Variants in PSEN1 observed in about 807,000 individuals in gnomAD.
The protein encoded by PSEN1 is presenilin 1.
In PSEN1, 15 loss-of-function variants were observed where a neutral mutation model predicts 53.5. The ratio of observed to expected loss-of-function variants is 0.28; its 90% CI spans 0.19 to 0.43. The LOEUF is 0.43. Ranked by LOEUF, PSEN1 falls within the 20% of genes least tolerant of loss-of-function variation. The pLI is 1.00. For synonymous variants in PSEN1, 208 were observed against 209.8 expected (o/e 0.99, Z 0.08); for missense variants, 387 against 571.2 (o/e 0.68, Z 3.29).
chr14:73,148,641 T>A (rs181785243), intron 3 of PSEN1, among the ~76,000 whole-genome samples: 201 of 152,190 alleles, frequency 1.3e-3, no homozygotes, highest in Admixed American at 0.012. Flanking sequence ...CATCATAAAG[T>A]GAGAGCAGAG....
intron 3 of PSEN1, among the ~76,000 whole-genome samples, chr14:73,166,084 AAGT>A (rs1354530242): frequency 6.6e-6 from 1 of 152,018 alleles, no homozygotes; most frequent in Non-Finnish European, 1.5e-5. Context: ...ATAAAAATAA[AAGT>A]AGTATCCAGC....
At chr14:73,210,985 C>CA (rs1310300662) in intron 9 of PSEN1, among the ~76,000 whole-genome samples, 1 of 152,170 alleles carries the variant, frequency 6.6e-6, no homozygotes, top group African/African-American at 2.4e-5. Flanking sequence ...TAAAGACATT[C>CA]ACTCCCCGCT....
chr14:73,142,125 G>T (rs776233980), intron 1 of PSEN1, among the ~76,000 whole-genome samples: 1 of 152,014 alleles, frequency 6.6e-6, no homozygotes, highest in Non-Finnish European at 1.5e-5. Flanking sequence ...TCAATTATAG[G>T]TTGGAATTTA....
intron 5 of PSEN1, among the ~76,000 whole-genome samples, chr14:73,185,198 C>T (rs1320065413): frequency 1.3e-5 from 2 of 151,204 alleles, no homozygotes; most frequent in African/African-American, 4.9e-5. Context: ...ACTTCCCAGA[C>T]GGGGTGGCGG....
chr14:73,173,546 T>C lies in PSEN1; in HGVS notation c.339-20T>C. On this transcript the variant is annotated intron_variant, in intron 4 of 11. Transcript: ENST00000324501. ...CTCCATTAACACTGACCTAGGGCTT[T>C]TGTGTTTGTTTTATTGTAGAATCTA... The C allele has an allele frequency of 1.2e-6, 2 of 1,613,516 alleles. No homozygotes were observed. The highest frequency in any genetic ancestry group is 1.3e-5 in the African/African-American group (1 of 75,052).
At chr14:73,194,180 G>T (rs1898841265) in intron 7 of PSEN1, among the ~76,000 whole-genome samples, 1 of 152,022 alleles carries the variant, frequency 6.6e-6, no homozygotes, top group African/African-American at 2.4e-5. Context: ...GCCAAAAAGA[G>T]ATCCATTTTC....
chr14:73,199,163 T>G (rs1899075688), intron 8 of PSEN1, among the ~76,000 whole-genome samples: 1 of 152,190 alleles, frequency 6.6e-6, no homozygotes, highest in African/African-American at 2.4e-5. Context: ...GGTCACTAGG[T>G]AGACATTGCT....
At chr14:73,137,932 G>T (rs2140484798) in intron 1 of PSEN1, among the ~76,000 whole-genome samples, 1 of 152,042 alleles carries the variant, frequency 6.6e-6, no homozygotes, top group South Asian at 2.1e-4. Context: ...GCTGGGCGTG[G>T]GGGCGCGCGC....
chr14:73,188,340 G>C (rs768536282), intron 6 of PSEN1, among the ~76,000 whole-genome samples: 49 of 152,160 alleles, frequency 3.2e-4, no homozygotes, highest in Non-Finnish European at 1.9e-4. Context: ...TAAGATTCCT[G>C]TTCTTGATCA....
At chr14:73,201,059 A>C (rs114445862) in intron 8 of PSEN1, among the ~76,000 whole-genome samples, 2 of 150,886 alleles carry the variant, frequency 1.3e-5, no homozygotes, top group Non-Finnish European at 2.9e-5. Flanking sequence ...CACCCTCCCA[A>C]AAAAAGAGAA....
chr14:73,175,602 G>A (rs182236740), intron 5 of PSEN1, among the ~76,000 whole-genome samples: 217 of 152,124 alleles, frequency 1.4e-3, no homozygotes, highest in African/African-American at 5.0e-3. Flanking sequence ...TTACTTTGGT[G>A]TGAACATTTT....
At chr14:73,152,916 C>A (rs988333996) in intron 3 of PSEN1, among the ~76,000 whole-genome samples, 1 of 151,922 alleles carries the variant, frequency 6.6e-6, no homozygotes. Context: ...GGTGGTGCGC[C>A]CTTGTAATCC....
intron 3 of PSEN1, among the ~76,000 whole-genome samples, chr14:73,169,977 G>GT (rs1324271895): frequency 1.3e-5 from 2 of 152,152 alleles, no homozygotes; most frequent in African/African-American, 4.8e-5. Flanking sequence ...TTATTCATGA[G>GT]TTTTCTGGGA....
chr14:73,148,078 A>G lies in PSEN1; in HGVS notation c.59A>G (p.Asn20Ser), dbSNP rs1231923457. The G allele has an allele frequency of 1.2e-6, 2 of 1,613,922 alleles. No individual in the cohort carries two copies. Among genetic ancestry groups the G allele is most frequent in the South Asian group, 1.1e-5 (1 of 91,056 alleles). ...CAGAATGCACAGATGTCTGAGGACA[A>G]CCACCTGAGCAATACTGTACGTAGC... Reference protein sequence around the residue: ...YFQNAQMSEDNHLSNTVRSQN... With the variant: ...YFQNAQMSEDSHLSNTVRSQN... Residue 20 changes from asparagine to serine, a missense_variant, in exon 3 of 12, where the codon AAC (asparagine) becomes AGC (serine). Physicochemically the swap from Asn to Ser is conservative, Grantham distance 46. This residue lies in a region of PSEN1 where 99 missense variants were observed against 101.5 expected (regional missense o/e 0.98). Transcript: ENST00000324501.
intron 6 of PSEN1, among the ~76,000 whole-genome samples, chr14:73,187,951 T>C (rs1465327524): frequency 6.6e-6 from 1 of 152,142 alleles, no homozygotes; most frequent in Non-Finnish European, 1.5e-5. Flanking sequence ...CTTTTTTTTT[T>C]TGAGTCTCAC....
rs2140153790 is a variant in PSEN1, at chr14:73,221,460, T to A, written c.*2171T>A. On this transcript the variant is annotated 3_prime_UTR_variant, in exon 12 of 12. Coordinates refer to ENST00000324501, the MANE Select transcript of PSEN1 (RefSeq NM_000021.4). ...CTCTGAAGAGGGTACGTGGGGTGTGTGTATTTAAATCCATCCTATGTATTA... is the reference window on the plus strand; with the variant it reads ...CTCTGAAGAGGGTACGTGGGGTGTGAGTATTTAAATCCATCCTATGTATTA... 6.6e-6 allele frequency: 1 copy of A among 152,350 alleles called. No homozygotes were observed. The highest frequency in any genetic ancestry group is 1.9e-4 in the East Asian group (1 of 5,188). The allele number at this position is 152,350 out of a possible 1,614,324, so 9.4% of individuals were successfully genotyped here. A position where few individuals can be genotyped will look rare whatever the true frequency, so the allele number is the denominator to read the frequency against.
At chr14:73,137,090 A>G in intron 1 of PSEN1, 1 of 153,038 alleles carries the variant, frequency 6.5e-6, no homozygotes, top group Non-Finnish European at 1.5e-5. Context: ...ATGCATGTCC[A>G]GTGACTCTTG....
chr14:73,170,877 G>C lies in PSEN1; in HGVS notation c.168G>C (p.Gln56His), dbSNP rs755402092. Residue 56 changes from glutamine (Q) to histidine (H), a missense_variant, in exon 4 of 12, where the codon CAG (glutamine) becomes CAC (histidine). Transcript: ENST00000324501. Reference sequence around the variant, plus strand: ...AGCCATTATCTAATGGACGACCCCAGGGTAACTCCCGGCAGGTGGTGGAGC... The same window carrying C: ...AGCCATTATCTAATGGACGACCCCACGGTAACTCCCGGCAGGTGGTGGAGC... Reference protein sequence around the residue: ...HPEPLSNGRPQGNSRQVVEQD... With the variant: ...HPEPLSNGRPHGNSRQVVEQD... The C allele has an allele frequency of 1.2e-6, 2 of 1,614,220 alleles. No homozygotes were observed.
chr14:73,174,578 T>C (rs886162545), intron 5 of PSEN1, among the ~76,000 whole-genome samples: 4 of 152,220 alleles, frequency 2.6e-5, no homozygotes, highest in African/African-American at 9.6e-5. Flanking sequence ...TGAAGAAATA[T>C]ACTCTAAGAC....
Sources: allele counts gnomAD v4.1 joint callset (sites outside exome capture counted in the v4.1 genomes callset), GRCh38; gene constraint gnomAD v4.1.1; regional missense constraint gnomAD v4.1.1; transcripts MANE v1.5; gene names NCBI Gene and HGNC (gene_info 2026-07-23, HGNC 2026-07-21).